Variants in PATL1 observed in about 807,000 individuals in gnomAD.
The protein encoded by PATL1 is PAT1 homolog 1, processing body mRNA decay factor, also known as protein PAT1 homolog 1.
In PATL1, 32 loss-of-function variants were observed where a neutral mutation model predicts 100.6. That is an observed-to-expected ratio of 0.32 (90% CI 0.24 to 0.43). The LOEUF is 0.43. Ranked by LOEUF, PATL1 falls within the 20% of genes least tolerant of loss-of-function variation. The pLI is 1.00. For missense variants in PATL1, 747 were observed against 949.9 expected, an observed-to-expected ratio of 0.79 and a Z score of 2.81; for synonymous variants, 332 against 330.0, an observed-to-expected ratio of 1.01 and a Z score of -0.07.
intron 9 of PATL1, 117 bp from the exon 10 acceptor site, chr11:59,653,135 C>A: frequency 3.5e-6 from 3 of 857,012 alleles, no homozygotes; most frequent in South Asian, 2.0e-5. Context: ...GTTTGCTTTT[C>A]TTAAAAGGGG....
At chr11:59,643,165 T>A in intron 15 of PATL1, 130 bp from the exon 16 acceptor site, 1 of 948,346 alleles carries the variant, frequency 1.1e-6, no homozygotes, top group Non-Finnish European at 1.5e-6. Context: ...CAGATATGAC[T>A]AGAGTCTTAA....
rs753200914 is a variant in PATL1, at chr11:59,655,618, T to A, written c.936A>T (p.Ala312=). The A allele has an allele frequency of 2.5e-6, 4 of 1,595,476 alleles. No homozygotes were observed. The South Asian group carries it at 4.5e-5, about 18-fold the overall frequency. The change falls in exon 8 of 19, where the codon GCA becomes GCT. Residue 312 remains alanine, a synonymous_variant. Transcript: ENST00000300146. ...CACTAAAGAAGGCACGGAAGCCTGG[T>A]GCTGGGGGAAGCATCTGCCCAACTC... ...QGRVGQMLPP[A]PGFRAFFSAP... is the part of the protein sequence containing the mutation.
At chr11:59,656,404 G>T in intron 6 of PATL1, 95 bp downstream of exon 6, 1 of 1,018,458 alleles carries the variant, frequency 9.8e-7, no homozygotes, top group Non-Finnish European at 1.5e-6. Context: ...GTATAATTTA[G>T]GAGATGTCAG....
chr11:59,649,366 T>C (rs1861409008), intron 14 of PATL1, 96 bp downstream of exon 14: 2 of 1,243,708 alleles, frequency 1.6e-6, no homozygotes, highest in Non-Finnish European at 1.1e-6. Context: ...ACAGAGATGG[T>C]AGGGAAGTGT....
intron 2 of PATL1, among the ~76,000 whole-genome samples, chr11:59,664,659 G>C (rs540640876): frequency 2.0e-5 from 3 of 152,136 alleles, no homozygotes; most frequent in African/African-American, 2.4e-5. Context: ...ATGCAGCCCT[G>C]AACTCCTGGG....
At chr11:59,655,025 C>T (rs1861506651) in intron 8 of PATL1, among the ~76,000 whole-genome samples, 1 of 152,206 alleles carries the variant, frequency 6.6e-6, no homozygotes, top group Non-Finnish European at 1.5e-5. Context: ...GCAACTTGAG[C>T]TTTTACCTGT....
rs537195054 is a variant in PATL1 at position 59,637,923 on chromosome 11, G to T, written c.*467C>A. On this transcript the variant is annotated 3_prime_UTR_variant, in exon 19 of 19. Transcript: ENST00000300146. Reference sequence around the variant, plus strand: ...ATAAATACATGTATGGGGTGTGTGTGTGTGTATCTATGTGTGTGTGTATAT... The same window carrying T: ...ATAAATACATGTATGGGGTGTGTGTTTGTGTATCTATGTGTGTGTGTATAT... 1.8e-4 allele frequency: 30 copies of T among 169,554 alleles called. No homozygotes were observed. Among genetic ancestry groups the T allele is most frequent in the Non-Finnish European group, 7.7e-5 (6 of 77,602 alleles). The allele number at this position is 169,554 out of a possible 1,614,324, so 10.5% of individuals were successfully genotyped here. A position where few individuals can be genotyped will look rare whatever the true frequency, so the allele number is the denominator to read the frequency against.
chr11:59,650,851 C>G, intron 12 of PATL1, 38 bp from the exon 13 acceptor site: 2 of 1,401,652 alleles, frequency 1.4e-6, no homozygotes, highest in Non-Finnish European at 9.7e-7. Flanking sequence ...AATTCTTTAT[C>G]TCTGTTAAAA....
intron 13 of PATL1, 66 bp from the exon 14 acceptor site, chr11:59,649,676 T>G: frequency 1.3e-6 from 2 of 1,512,438 alleles, no homozygotes; most frequent in Non-Finnish European, 1.8e-6. Flanking sequence ...GTTAAACAAT[T>G]TCACAGTTTA....
chr11:59,656,354 T>C (rs766630729), intron 6 of PATL1, 145 bp downstream of exon 6: 19 of 721,200 alleles, frequency 2.6e-5, no homozygotes, highest in Non-Finnish European at 3.4e-5. Flanking sequence ...CTGGGGACAA[T>C]TAGATCCAGC....
chr11:59,636,807 C>CA lies in PATL1; in HGVS notation c.*1582dup, dbSNP rs1362818443. 6.6e-6 allele frequency: 1 copy of CA among 152,184 alleles called. No individual in the cohort carries two copies. Among genetic ancestry groups the CA allele is most frequent in the African/African-American group, 2.4e-5 (1 of 41,310 alleles). The allele number at this position is 152,184 out of a possible 1,614,324, so 9.4% of individuals were successfully genotyped here. A position where few individuals can be genotyped will look rare whatever the true frequency, so the allele number is the denominator to read the frequency against. ...TTTCATTAATTAGAACCAATCCAAA[C>CA]AAAAAAGATAAAGCACAGTAAGGAA... On this transcript the variant is annotated 3_prime_UTR_variant, in exon 19 of 19. Transcript: ENST00000300146.
chr11:59,668,277 T>TCCCG (rs922737558), intron 1 of PATL1, among the ~76,000 whole-genome samples: 20 of 152,206 alleles, frequency 1.3e-4, no homozygotes, highest in Non-Finnish European at 2.5e-4. Context: ...ATTGCTACAT[T>TCCCG]CCCGGCACCT....
rs2134732141 is a variant in PATL1, at chr11:59,637,300, G to C, written c.*1090C>G. On this transcript the variant is annotated 3_prime_UTR_variant, in exon 19 of 19. Transcript: ENST00000300146. ...TTCAAACCCAGGCCCCTGGCTGCCT[G>C]GGAACGGGACTTGGGTGAGATGAAG... The C allele has an allele frequency of 6.6e-6, 1 of 152,616 alleles. No individual in the cohort carries two copies. The highest frequency in any genetic ancestry group is 1.9e-4 in the East Asian group (1 of 5,184). 9.5% of individuals were successfully genotyped at this position (152,616 alleles called of 1,614,324 possible).
chr11:59,666,437 C>T (rs1365249872), intron 2 of PATL1, among the ~76,000 whole-genome samples: 2 of 152,134 alleles, frequency 1.3e-5, no homozygotes, highest in African/African-American at 4.8e-5. Flanking sequence ...TTTTGAAACA[C>T]ATATACCCAC....
At chr11:59,660,153 T>C (rs1314630140) in intron 2 of PATL1, among the ~76,000 whole-genome samples, 2 of 152,232 alleles carry the variant, frequency 1.3e-5, no homozygotes, top group African/African-American at 4.8e-5. Context: ...TTAAAACTCA[T>C]AGCATTAGCA....
chr11:59,641,751 T>TA lies in PATL1; in HGVS notation c.2049+1128dup, dbSNP rs886705458. 3.7e-3 allele frequency among the ~76,000 whole-genome samples: 544 copies of TA among 145,984 alleles called. 2 individuals are homozygous for TA. The highest frequency in any genetic ancestry group is 4.9e-3 in the Non-Finnish European group (324 of 66,056). ...CTGGGTGACAGAGAAGACCCTGATT[T>TA]AAAAAAAAAAAATCCCTTTTCATGT... is the stretch of plus-strand genomic sequence containing the variant. On this transcript the variant is annotated intron_variant, in intron 16 of 18. Coordinates refer to ENST00000300146, the MANE Select transcript of PATL1 (RefSeq NM_152716.3).
intron 15 of PATL1, among the ~76,000 whole-genome samples, chr11:59,645,642 T>A (rs1257692997): frequency 6.6e-6 from 1 of 152,122 alleles, no homozygotes; most frequent in Non-Finnish European, 1.5e-5. Flanking sequence ...GATGGCCTAG[T>A]AGTCTCCAAA....
rs372063665 is a variant in PATL1, at chr11:59,655,581, C to T, written c.973G>A (p.Ala325Thr). The T allele has an allele frequency of 4.2e-4, 662 of 1,590,284 alleles. No homozygotes were observed. Among genetic ancestry groups the T allele is most frequent in the Non-Finnish European group, 5.0e-4 (586 of 1,168,032 alleles). ...GGGTGCTGCTGTGGAGGTGGTGTAG[C>T]GGAGGGTGGAGCACTAAAGAAGGCA... is the stretch of plus-strand genomic sequence containing the variant. ...FRAFFSAPPSATPPPQQHPPG... is the reference protein window; with the variant it reads ...FRAFFSAPPSTTPPPQQHPPG... Residue 325 changes from alanine (A) to threonine (T), a missense_variant, in exon 8 of 19, where the codon GCT becomes ACT. Physicochemically the swap from Ala to Thr is moderately conservative, Grantham distance 58. Around this residue, in one of 4 missense-constraint regions of PATL1, gnomAD observed 434 missense variants for 596.1 expected, o/e 0.73. Coordinates refer to ENST00000300146, the MANE Select transcript of PATL1 (RefSeq NM_152716.3).
rs1861223175 is a variant in PATL1 at position 59,638,387 on chromosome 11, C to CT, written c.*2dup. On this transcript the variant is annotated 3_prime_UTR_variant, in exon 19 of 19. Transcript: ENST00000300146. ...GGAGGTACAGGACACATTTGGAGATCTTTTATCGTATCCCCTGAACTAGCC... is the reference window on the plus strand; with the variant it reads ...GGAGGTACAGGACACATTTGGAGATCTTTTTATCGTATCCCCTGAACTAGCC... 6.2e-7 allele frequency: 1 copy of CT among 1,612,314 alleles called. No individual in the cohort carries two copies. Among genetic ancestry groups the CT allele is most frequent in the Non-Finnish European group, 8.5e-7 (1 of 1,178,790 alleles).
Sources: gnomAD v4.1 joint callset for allele counts (sites outside exome capture counted in the v4.1 genomes callset) on GRCh38, gnomAD v4.1.1 for gene constraint, gnomAD v4.1.1 regional missense constraint, MANE v1.5 for transcripts, NCBI Gene and HGNC (gene_info 2026-07-23, HGNC 2026-07-21) for gene names.